RNF6: variants seen among roughly 807,000 people sequenced by gnomAD.
RNF6 encodes the protein ring finger protein 6, also known as E3 ubiquitin-protein ligase RNF6.
A neutral mutation model predicts 50.1 loss-of-function variants in RNF6; 21 were observed. That is an observed-to-expected ratio of 0.42 (90% CI 0.30 to 0.60). The LOEUF is 0.60. Among genes scored for constraint, RNF6 ranks in the 20% least tolerant of loss-of-function variants. RNF6 has a pLI of 0.20. For missense variants in RNF6, 698 were observed against 838.2 expected (o/e 0.83, Z 2.07); for synonymous variants, 255 against 291.8 (o/e 0.87, Z 1.29).
intron 5 of RNF6, among the ~76,000 whole-genome samples, chr13:26,137,279 G>C (rs1870694740): frequency 6.6e-6 from 1 of 152,036 alleles, no homozygotes. Context: ...ATAGCAATTG[G>C]GGTAAATAAT....
At chr13:26,171,506 G>A (rs1566418951) in intron 5 of RNF6, among the ~76,000 whole-genome samples, 1 of 152,122 alleles carries the variant, frequency 6.6e-6, no homozygotes, top group African/African-American at 2.4e-5. Flanking sequence ...CAAAAAGTTA[G>A]ACATAGAATT....
chr13:26,194,281 G>A (rs371573644), intron 5 of RNF6, among the ~76,000 whole-genome samples: 14 of 152,166 alleles, frequency 9.2e-5, no homozygotes, highest in African/African-American at 3.1e-4. Flanking sequence ...AGAGAGTTGA[G>A]GGTTTAAGCA....
intron 5 of RNF6, among the ~76,000 whole-genome samples, chr13:26,204,536 AAAAAG>A (rs1338092863): frequency 6.6e-6 from 1 of 151,850 alleles, no homozygotes; most frequent in African/African-American, 2.4e-5. Flanking sequence ...AAGAAAAAGA[AAAAAG>A]AAAAGGGAAA....
intron 5 of RNF6, among the ~76,000 whole-genome samples, chr13:26,165,879 G>T (rs1872428108): frequency 6.6e-6 from 1 of 152,154 alleles, no homozygotes; most frequent in Admixed American, 6.5e-5. Context: ...ATGAGACTTT[G>T]GACTGTGGAC....
intron 5 of RNF6, among the ~76,000 whole-genome samples, chr13:26,172,095 T>C (rs923170532): frequency 8.5e-5 from 13 of 152,330 alleles, no homozygotes; most frequent in African/African-American, 2.6e-4. Flanking sequence ...CAATAAGATA[T>C]ATAACTGATA....
In RNF6 at chr13:26,214,910, A is replaced by G. The variant is rs757143152; in HGVS notation, c.972T>C (p.His324=). The stretch of plus-strand genomic sequence containing the variant: ...CTGGTCTACTTTCCCTTTGGGAATT[A>G]TGATAAACAGTGCCACTCTGTCTCT... ...PIQRQSGTVY[H]NSQRESRPVQ... The change falls in exon 5 of 5, where the codon CAT becomes CAC. Residue 324 remains histidine (H), a synonymous_variant. Coordinates refer to ENST00000381588, the MANE Select transcript of RNF6 (RefSeq NM_005977.4). 6.2e-7 allele frequency: 1 copy of G among 1,614,234 alleles called. No homozygotes were observed. The highest frequency in any genetic ancestry group is 8.5e-7 in the Non-Finnish European group (1 of 1,180,040).
intron 5 of RNF6, among the ~76,000 whole-genome samples, chr13:26,138,886 T>C (rs1190298754): frequency 6.6e-6 from 1 of 152,214 alleles, no homozygotes; most frequent in African/African-American, 2.4e-5. Flanking sequence ...AATTGTGCTT[T>C]TTAAACCACC....
In RNF6 at chr13:26,152,809, G is replaced by A. The variant is rs114728440; in HGVS notation, n.769-20358C>T. On this transcript the variant is annotated intron_variant and non_coding_transcript_variant, in intron 5 of 5. Transcript: ENST00000468480. ...CATTAGAGAAGGGAGAAGTCAGCAT[G>A]GACTATAGCATTTGGTGAAGTTTGG... is the stretch of plus-strand genomic sequence containing the variant. Among the ~76,000 whole-genome samples, 804 of 152,258 alleles carry A rather than the reference G, an allele frequency of 5.3e-3. 11 individuals carry two copies. Among genetic ancestry groups the A allele is most frequent in the African/African-American group, 0.018 (759 of 41,536 alleles).
chr13:26,158,737 G>A (rs1389702740), intron 5 of RNF6, among the ~76,000 whole-genome samples: 4 of 152,118 alleles, frequency 2.6e-5, no homozygotes, highest in African/African-American at 4.8e-5. Context: ...GTGTGTGTGT[G>A]TATTGAATTT....
intron 5 of RNF6, among the ~76,000 whole-genome samples, chr13:26,163,013 A>G (rs987420693): frequency 6.6e-6 from 1 of 152,228 alleles, no homozygotes; most frequent in African/African-American, 2.4e-5. Flanking sequence ...CTGAGTTTCA[A>G]CAATTACCAA....
intron 5 of RNF6, among the ~76,000 whole-genome samples, chr13:26,169,073 T>C (rs944591232): frequency 6.6e-6 from 1 of 152,088 alleles, no homozygotes; most frequent in African/African-American, 2.4e-5. Context: ...TTGGGTACCC[T>C]GGGAAAAGGC....
In RNF6 at chr13:26,192,779, G is replaced by C. The variant is rs576959041; in HGVS notation, n.768+22695C>G. Reference sequence around the variant, plus strand: ...CCAAAAACAGGTGAGCTCTGAAGTAGGTCTTTCTCAGTCGAGCCTTCAGAT... The same window carrying C: ...CCAAAAACAGGTGAGCTCTGAAGTACGTCTTTCTCAGTCGAGCCTTCAGAT... On this transcript the variant is annotated intron_variant and non_coding_transcript_variant, in intron 5 of 5. Coordinates refer to the RNF6 transcript ENST00000468480. Among the ~76,000 whole-genome samples, 10 of 152,268 alleles carry C rather than the reference G, an allele frequency of 6.6e-5. No homozygotes were observed. The South Asian group carries it at 1.9e-3, about 28-fold the overall frequency.
chr13:26,177,550 A>G (rs1376192939), intron 5 of RNF6, among the ~76,000 whole-genome samples: 1 of 152,206 alleles, frequency 6.6e-6, no homozygotes, highest in African/African-American at 2.4e-5. Context: ...GGTGATAACC[A>G]TAACCATGAG....
chr13:26,139,685 A>G (rs572554158), intron 5 of RNF6, among the ~76,000 whole-genome samples: 1 of 152,314 alleles, frequency 6.6e-6, no homozygotes, highest in South Asian at 2.1e-4. Flanking sequence ...AGAAAATGGT[A>G]TATTTCTGCA....
At chr13:26,153,159 AG>A (rs1871717139) in intron 5 of RNF6, among the ~76,000 whole-genome samples, 1 of 69,508 alleles carries the variant, frequency 1.4e-5, no homozygotes, top group African/African-American at 4.2e-5. Context: ...TCTCAAGAAA[AG>A]AAAAAAAAAA....
At chr13:26,185,000 A>G (rs1185684037) in intron 5 of RNF6, among the ~76,000 whole-genome samples, 1 of 151,950 alleles carries the variant, frequency 6.6e-6, no homozygotes, top group East Asian at 1.9e-4. Context: ...TGATTGATTG[A>G]TTGATTGACT....
chr13:26,133,224 T>A (rs564648308), intron 5 of RNF6, among the ~76,000 whole-genome samples: 5 of 152,222 alleles, frequency 3.3e-5, no homozygotes, highest in Non-Finnish European at 5.9e-5. Context: ...AAATTACCTT[T>A]CCCCTATAGG....
intron 5 of RNF6, among the ~76,000 whole-genome samples, chr13:26,185,917 C>G (rs1316104590): frequency 6.6e-6 from 1 of 152,150 alleles, no homozygotes; most frequent in Admixed American, 6.5e-5. Flanking sequence ...TTAGAGAACA[C>G]ACACTATGTC....
At chr13:26,153,943 T>G (rs1404838515) in intron 5 of RNF6, 1 of 152,232 alleles carries the variant, frequency 6.6e-6, no homozygotes, top group African/African-American at 2.4e-5. Flanking sequence ...AGAATTCTCT[T>G]CTTAGAGTAT....
Sources: gnomAD v4.1 joint callset for allele counts (sites outside exome capture counted in the v4.1 genomes callset) on GRCh38, gnomAD v4.1.1 for gene constraint, MANE v1.5 for transcripts, NCBI Gene and HGNC (gene_info 2026-07-23, HGNC 2026-07-21) for gene names.